The following CDH18 variants were observed in gnomAD, a reference collection of about 807,000 sequenced individuals.
CDH18 encodes cadherin-18.
CDH18 carries 31 observed loss-of-function variants against 67.9 expected under a neutral mutation model. That is an observed-to-expected ratio of 0.46 (90% CI 0.34 to 0.62). CDH18 has a LOEUF of 0.62. Ranked by LOEUF, CDH18 falls within the 20% of genes least tolerant of loss-of-function variation. The pLI is 0.01. For missense variants in CDH18, 890 were observed against 975.5 expected, an observed-to-expected ratio of 0.91 and a Z score of 1.17; for synonymous variants, 362 against 347.2, an observed-to-expected ratio of 1.04 and a Z score of -0.48.
chr5:20,458,341 G>A (rs933983190), intron 1 of CDH18, among the ~76,000 whole-genome samples: 2 of 152,160 alleles, frequency 1.3e-5, no homozygotes, highest in African/African-American at 4.8e-5. Context: ...ATTCTGGCCA[G>A]GTGCGGTGGC....
At chr5:20,359,710 A>G (rs887735611) in intron 1 of CDH18, among the ~76,000 whole-genome samples, 4 of 152,180 alleles carry the variant, frequency 2.6e-5, no homozygotes, top group Admixed American at 2.6e-4. Flanking sequence ...TAAACCACTA[A>G]TTCTCCACCA....
At chr5:19,483,922 T>A (rs1426619577) in intron 11 of CDH18, among the ~76,000 whole-genome samples, 1 of 152,190 alleles carries the variant, frequency 6.6e-6, no homozygotes, top group Non-Finnish European at 1.5e-5. Flanking sequence ...TCTCCAAACC[T>A]AGAGGCTCTG....
chr5:19,914,988 C>T lies in CDH18; in HGVS notation c.-257+66072G>A, dbSNP rs149489289. 7.2e-3 allele frequency among the ~76,000 whole-genome samples: 1,101 copies of T among 152,120 alleles called. 17 individuals are homozygous for T. Among genetic ancestry groups the T allele is most frequent in the Admixed American group, 0.037 (571 of 15,260 alleles). On this transcript the variant is annotated intron_variant, in intron 2 of 12. Transcript: ENST00000382275. ...TTCCTCCCCGAAGGAAAGAATTAAC[C>T]TTACTAAATGTCCTATGTGATAGAG...
intron 2 of CDH18, among the ~76,000 whole-genome samples, chr5:20,252,443 C>A (rs532453269): frequency 4.3e-4 from 66 of 152,054 alleles, no homozygotes; most frequent in African/African-American, 1.5e-3. Context: ...AATATTGACA[C>A]CTATTATAAT....
chr5:20,176,746 C>T (rs745747585), intron 2 of CDH18, among the ~76,000 whole-genome samples: 1 of 152,070 alleles, frequency 6.6e-6, no homozygotes, highest in African/African-American at 2.4e-5. Context: ...TGTCTTCTTG[C>T]TCCATGTGGT....
intron 3 of CDH18, among the ~76,000 whole-genome samples, chr5:19,782,887 T>C (rs16888216): frequency 0.036 from 5,528 of 152,260 alleles, 263 homozygotes; most frequent in African/African-American, 0.12. Flanking sequence ...GAAAAGCTAA[T>C]GAGGACTAGA....
At chr5:19,564,904 G>A (rs903166400) in intron 8 of CDH18, among the ~76,000 whole-genome samples, 1 of 152,106 alleles carries the variant, frequency 6.6e-6, no homozygotes, top group South Asian at 2.1e-4. Context: ...GGCCTTGAGT[G>A]AAGATGGGTG....
chr5:19,522,732 T>C (rs1032454367), intron 9 of CDH18, among the ~76,000 whole-genome samples: 7 of 151,484 alleles, frequency 4.6e-5, no homozygotes, highest in African/African-American at 1.5e-4. Context: ...TCGTCTCTAG[T>C]AAAAATACAA....
chr5:20,409,378 C>A (rs1746572970), intron 1 of CDH18, among the ~76,000 whole-genome samples: 1 of 151,386 alleles, frequency 6.6e-6, no homozygotes, highest in Non-Finnish European at 1.5e-5. Context: ...TAGAAAAGTT[C>A]AAAAATATGT....
Position 19,774,462 on chromosome 5 carries a change from T to C in CDH18, c.229-27226A>G, listed in dbSNP as rs145926336. On this transcript the variant is annotated intron_variant, in intron 3 of 12. Transcript: ENST00000382275. ...TAAAATAAAATAAATAAATAAATCA[T>C]AGTAAGGGGAAATACTGATATTAGG... Among the ~76,000 whole-genome samples, 1,379 of 146,380 alleles carry C rather than the reference T, an allele frequency of 9.4e-3. 11 individuals carry two copies. Among genetic ancestry groups the C allele is most frequent in the African/African-American group, 0.024 (875 of 37,108 alleles).
intron 1 of CDH18, among the ~76,000 whole-genome samples, chr5:20,260,350 T>C (rs1366667286): frequency 3.9e-5 from 6 of 152,002 alleles, no homozygotes. Context: ...ATAACTTGTC[T>C]CTTAAGTTGT....
chr5:20,118,673 A>G (rs950366182), intron 2 of CDH18, among the ~76,000 whole-genome samples: 5 of 152,096 alleles, frequency 3.3e-5, no homozygotes, highest in African/African-American at 9.7e-5. Context: ...AGCTGTTTCA[A>G]CCTTCTCTGT....
At chr5:20,303,008 A>C (rs553314736) in intron 1 of CDH18, among the ~76,000 whole-genome samples, 1 of 151,480 alleles carries the variant, frequency 6.6e-6, no homozygotes, top group African/African-American at 2.4e-5. Context: ...AAAAGTAAAA[A>C]TATTTCAGAT....
At chr5:19,972,882 G>T (rs1340113415) in intron 2 of CDH18, among the ~76,000 whole-genome samples, 1 of 151,904 alleles carries the variant, frequency 6.6e-6, no homozygotes, top group African/African-American at 2.4e-5. Flanking sequence ...TAGAATAGTA[G>T]TAAATAGTAA....
At chr5:19,910,086 A>C (rs1579546374) in intron 2 of CDH18, among the ~76,000 whole-genome samples, 1 of 152,214 alleles carries the variant, frequency 6.6e-6, no homozygotes, top group Non-Finnish European at 1.5e-5. Flanking sequence ...AGAAATGGAT[A>C]TTTTCTTTTC....
chr5:20,307,397 T>G (rs1736565978), intron 1 of CDH18, among the ~76,000 whole-genome samples: 2 of 152,084 alleles, frequency 1.3e-5, no homozygotes, highest in Non-Finnish European at 2.9e-5. Flanking sequence ...GACAATAGAT[T>G]TACCTTAGAT....
intron 1 of CDH18, among the ~76,000 whole-genome samples, chr5:20,322,475 TGACATTGGAAAATGTCCTTTA>T (rs1561970089): frequency 6.6e-6 from 1 of 152,136 alleles, no homozygotes; most frequent in Non-Finnish European, 1.5e-5. Context: ...AGTAACTCTA[TGACATTGGAAAATGTCCTTTA>T]GTATTGATGC....
intron 1 of CDH18, among the ~76,000 whole-genome samples, chr5:20,397,336 T>C (rs925132961): frequency 1.3e-5 from 2 of 152,238 alleles, no homozygotes; most frequent in South Asian, 2.1e-4. Context: ...TTTGCCACGC[T>C]GGCCGGGCTG....
intron 2 of CDH18, among the ~76,000 whole-genome samples, chr5:20,236,844 C>T (rs1407423657): frequency 6.6e-6 from 1 of 151,894 alleles, no homozygotes; most frequent in Admixed American, 6.6e-5. Flanking sequence ...ACAGGTATTA[C>T]CTTGACAAAT....
Sources: gnomAD v4.1 joint callset for allele counts (sites outside exome capture counted in the v4.1 genomes callset) on GRCh38, gnomAD v4.1.1 for gene constraint, MANE v1.5 for transcripts, NCBI Gene and HGNC (gene_info 2026-07-23, HGNC 2026-07-21) for gene names.